The following FRMD4A variants were observed in gnomAD, a reference collection of about 807,000 sequenced individuals.
The protein encoded by FRMD4A is FERM domain-containing protein 4A.
FRMD4A carries 29 observed loss-of-function variants against 129.1 expected under a neutral mutation model. That is an observed-to-expected ratio of 0.22 (90% CI 0.17 to 0.31). The LOEUF (loss-of-function observed/expected upper bound fraction) is 0.31, where lower values mean the gene tolerates loss of function less well. Ranked by LOEUF, FRMD4A falls within the 10% of genes least tolerant of loss-of-function variation. FRMD4A has a pLI of 1.00. For missense variants in FRMD4A, 1,272 were observed against 1,375.8 expected (o/e 0.92, Z 1.19); for synonymous variants, 634 against 571.6 (o/e 1.11, Z -1.56).
Position 14,164,415 on chromosome 10 carries a change from C to A in FRMD4A, c.45+165643G>T, listed in dbSNP as rs995655175. 6.6e-5 allele frequency among the ~76,000 whole-genome samples: 10 copies of A among 152,180 alleles called. No individual in the cohort carries two copies. In the East Asian group the frequency reaches 1.9e-3, roughly 29 times the overall value. On this transcript the variant is annotated intron_variant, in intron 2 of 24. Coordinates refer to ENST00000357447, the MANE Select transcript of FRMD4A (RefSeq NM_018027.5). Reference sequence around the variant, plus strand: ...CCCCAGGTCCTGCATCCCAGGCAACCCGGAAGCTGGTTTGTGCGGTGTCTA... The same window carrying A: ...CCCCAGGTCCTGCATCCCAGGCAACACGGAAGCTGGTTTGTGCGGTGTCTA...
At position 14,057,446 on chromosome 10, in the gene FRMD4A, T is replaced by C. The variant is rs186748365; in HGVS notation, c.46-198534A>G. 7.9e-4 allele frequency among the ~76,000 whole-genome samples: 121 copies of C among 152,358 alleles called. 1 individual carries two copies. The highest frequency in any genetic ancestry group is 7.5e-3 in the Admixed American group (114 of 15,302). ...ATACCAGGCTCCATGGCTATTTTGT[T>C]ACTGCTTCAATTCAAGAAATTTCAA... On this transcript the variant is annotated intron_variant, in intron 2 of 24. Coordinates refer to ENST00000357447, the MANE Select transcript of FRMD4A (RefSeq NM_018027.5).
intron 12 of FRMD4A, among the ~76,000 whole-genome samples, chr10:13,708,281 G>A (rs1304277929): frequency 2.6e-5 from 4 of 152,154 alleles, no homozygotes; most frequent in Admixed American, 2.0e-4. Context: ...CCTTAGAGAC[G>A]TGATGGCCAT....
At chr10:13,980,304 G>A (rs1588661188) in intron 2 of FRMD4A, among the ~76,000 whole-genome samples, 1 of 152,096 alleles carries the variant, frequency 6.6e-6, no homozygotes, top group Non-Finnish European at 1.5e-5. Flanking sequence ...GTCCAGAGTC[G>A]GGACTCCAAC....
At position 14,016,958 on chromosome 10, in the gene FRMD4A, C is replaced by T. The variant is rs187430137; in HGVS notation, c.46-158046G>A. ...GGCTGTTCAGCTCGTCATCCACAGA[C>T]AGAGATCTTGCTCACAAGCTGCAGA... is the stretch of plus-strand genomic sequence containing the variant. On this transcript the variant is annotated intron_variant, in intron 2 of 24. Coordinates refer to ENST00000357447, the MANE Select transcript of FRMD4A (RefSeq NM_018027.5). Among the ~76,000 whole-genome samples, 315 of 152,342 alleles carry T rather than the reference C, an allele frequency of 2.1e-3. 5 individuals are homozygous for T. The highest frequency in any genetic ancestry group is 4.9e-4 in the Non-Finnish European group (33 of 68,026).
chr10:14,311,463 CCT>C (rs1191329011), intron 2 of FRMD4A, among the ~76,000 whole-genome samples: 2 of 152,098 alleles, frequency 1.3e-5, no homozygotes, highest in Admixed American at 1.3e-4. Flanking sequence ...CACTACACAT[CCT>C]CTCTCCCTGC....
chr10:13,836,958 C>T (rs752516464), intron 3 of FRMD4A, among the ~76,000 whole-genome samples: 4 of 152,036 alleles, frequency 2.6e-5, no homozygotes, highest in East Asian at 1.9e-4. Flanking sequence ...GGGGTTTCAC[C>T]GTGTTAGCCA....
chr10:13,837,757 A>G (rs1043453615), intron 3 of FRMD4A, among the ~76,000 whole-genome samples: 4 of 152,220 alleles, frequency 2.6e-5, no homozygotes, highest in Non-Finnish European at 4.4e-5. Flanking sequence ...CCTCCATCCA[A>G]TCCCAATCCC....
Position 13,679,474 on chromosome 10 carries a change from T to TATACACACACACACACACACAC in FRMD4A, c.1118-4431_1118-4430insGTGTGTGTGTGTGTGTGTGTAT, listed in dbSNP as rs1308155926. 3.9e-3 allele frequency among the ~76,000 whole-genome samples: 123 copies of TATACACACACACACACACACAC among 31,472 alleles called. 3 individuals carry two copies. The highest frequency in any genetic ancestry group is 9.9e-3 in the South Asian group (5 of 506). 20.6% of individuals were successfully genotyped at this position (31,472 alleles called of 152,430 possible). A position where few individuals can be genotyped will look rare whatever the true frequency, so the allele number is the denominator to read the frequency against. On this transcript the variant is annotated intron_variant, in intron 15 of 24. Transcript: ENST00000357447. ...AAAAAAAAAAAAATATATATATATA[T>TATACACACACACACACACACAC]ACACACACACACACACACACACACA...
intron 2 of FRMD4A, among the ~76,000 whole-genome samples, chr10:14,085,338 C>T (rs1588941564): frequency 2.0e-5 from 3 of 152,286 alleles, no homozygotes; most frequent in Admixed American, 2.0e-4. Context: ...GCGCACCTCA[C>T]GTGGTTGCAG....
intron 2 of FRMD4A, among the ~76,000 whole-genome samples, chr10:13,974,646 C>T (rs1418600704): frequency 6.6e-6 from 1 of 152,196 alleles, no homozygotes; most frequent in African/African-American, 2.4e-5. Flanking sequence ...CCTGCCTCAG[C>T]CTCCCGAGTA....
chr10:14,042,285 C>G (rs1833809120), intron 2 of FRMD4A, among the ~76,000 whole-genome samples: 1 of 152,172 alleles, frequency 6.6e-6, no homozygotes, highest in African/African-American at 2.4e-5. Flanking sequence ...CAGTATTCCA[C>G]AAGTTACTTC....
intron 2 of FRMD4A, among the ~76,000 whole-genome samples, chr10:14,052,890 C>T (rs1369020125): frequency 6.6e-6 from 1 of 152,102 alleles, no homozygotes; most frequent in East Asian, 1.9e-4. Flanking sequence ...ACACTCAGAT[C>T]TTGCCGTAAC....
intron 8 of FRMD4A, among the ~76,000 whole-genome samples, chr10:13,752,950 C>T (rs2091696361): frequency 6.6e-6 from 1 of 152,110 alleles, no homozygotes; most frequent in South Asian, 2.1e-4. Flanking sequence ...CAGGTGCTGC[C>T]CTAGGCCCTG....
chr10:14,289,426 T>C (rs1239100073), intron 2 of FRMD4A, among the ~76,000 whole-genome samples: 3 of 152,204 alleles, frequency 2.0e-5, no homozygotes, highest in Non-Finnish European at 4.4e-5. Context: ...TATGTCTTCT[T>C]TGAAGAAACA....
chr10:13,831,265 C>G (rs1473650771), intron 3 of FRMD4A, among the ~76,000 whole-genome samples: 1 of 152,098 alleles, frequency 6.6e-6, no homozygotes, highest in Non-Finnish European at 1.5e-5. Flanking sequence ...ATCTGGGGAC[C>G]TGGGCATCAA....
chr10:13,698,697 A>T (rs2086477421), intron 14 of FRMD4A, among the ~76,000 whole-genome samples: 1 of 152,236 alleles, frequency 6.6e-6, no homozygotes, highest in African/African-American at 2.4e-5. Flanking sequence ...AATTGAGGTC[A>T]GGAATTTCCT....
intron 4 of FRMD4A, among the ~76,000 whole-genome samples, chr10:13,804,542 T>C (rs534521618): frequency 4.6e-5 from 7 of 151,468 alleles, no homozygotes; most frequent in Middle Eastern, 3.4e-3. Context: ...TTTCTTTCTT[T>C]CTTTATTTCT....
intron 22 of FRMD4A, chr10:13,655,861 G>C (rs905307700): frequency 6.6e-6 from 1 of 152,130 alleles, no homozygotes; most frequent in African/African-American, 2.4e-5. Context: ...AGCCAGTGCT[G>C]AGACCGGAGC....
intron 2 of FRMD4A, among the ~76,000 whole-genome samples, chr10:14,104,479 T>A (rs1837479667): frequency 6.6e-6 from 1 of 152,234 alleles, no homozygotes; most frequent in Non-Finnish European, 1.5e-5. Context: ...TTCCTTTCTT[T>A]CCAGATGCTC....
Sources: gnomAD v4.1 joint callset for allele counts (sites outside exome capture counted in the v4.1 genomes callset) on GRCh38, gnomAD v4.1.1 for gene constraint, MANE v1.5 for transcripts, NCBI Gene and HGNC (gene_info 2026-07-23, HGNC 2026-07-21) for gene names.